NEGR1: variants seen among roughly 807,000 people sequenced by gnomAD.
NEGR1 encodes the protein neuronal growth regulator 1, also known as IgLON family member 4.
NEGR1 carries 10 observed loss-of-function variants against 40.9 expected under a neutral mutation model. The ratio of observed to expected loss-of-function variants is 0.24; its 90% CI spans 0.15 to 0.42. The LOEUF is 0.42. Among genes scored for constraint, NEGR1 ranks in the 10% least tolerant of loss-of-function variants. NEGR1 has a pLI of 1.00. For synonymous variants in NEGR1, 185 were observed against 166.8 expected (o/e 1.11, Z -0.84); for missense variants, 352 against 438.9 (o/e 0.80, Z 1.77).
intron 3 of NEGR1, among the ~76,000 whole-genome samples, chr1:71,715,672 T>C (rs1180383692): frequency 6.6e-6 from 1 of 152,174 alleles, no homozygotes; most frequent in African/African-American, 2.4e-5. Flanking sequence ...GGGGAAAATG[T>C]CACCAGTCTC....
rs139781857 is a variant in NEGR1, at chr1:71,596,088, G to A, written c.789-3120C>T. On this transcript the variant is annotated intron_variant, in intron 5 of 6. Transcript: ENST00000357731. ...AAGAGAAACAAATTCTGTAGAGCTC[G>A]GAGTTAAATATGACATCCATTTCTT... Among the ~76,000 whole-genome samples the A allele has an allele frequency of 1.4e-3, 213 of 150,176 alleles. 2 individuals carry two copies. In the Middle Eastern group the frequency reaches 0.028, roughly 20 times the overall value.
chr1:72,018,950 G>A (rs1223747278), intron 1 of NEGR1, among the ~76,000 whole-genome samples: 2 of 152,180 alleles, frequency 1.3e-5, no homozygotes, highest in South Asian at 2.1e-4. Flanking sequence ...TGGAAGAGCA[G>A]GAGTGAAAGC....
chr1:71,632,732 T>C (rs527977779), intron 4 of NEGR1, among the ~76,000 whole-genome samples: 41 of 152,088 alleles, frequency 2.7e-4, no homozygotes, highest in African/African-American at 8.2e-4. Flanking sequence ...GGATTTACTG[T>C]ACATCTGTTA....
At chr1:71,697,705 C>T (rs1170495067) in intron 4 of NEGR1, among the ~76,000 whole-genome samples, 1 of 151,712 alleles carries the variant, frequency 6.6e-6, no homozygotes, top group African/African-American at 2.4e-5. Flanking sequence ...AGGAAAACAC[C>T]AGCATATGGC....
intron 3 of NEGR1, among the ~76,000 whole-genome samples, chr1:71,718,522 A>G (rs879375290): frequency 5.3e-5 from 8 of 152,196 alleles, no homozygotes; most frequent in Admixed American, 1.3e-4. Flanking sequence ...CTTTATAGCA[A>G]TGCAAGAATG....
chr1:71,727,131 T>C (rs910637758), intron 3 of NEGR1, among the ~76,000 whole-genome samples: 1 of 152,112 alleles, frequency 6.6e-6, no homozygotes, highest in Non-Finnish European at 1.5e-5. Flanking sequence ...GAGATGAGGC[T>C]AGATTTTATT....
chr1:71,407,767 G>T, intron 6 of NEGR1, 197 bp from the exon 7 acceptor site: 4 of 520,360 alleles, frequency 7.7e-6, no homozygotes. Flanking sequence ...TTTTCTCAAG[G>T]GCAAAATGAA....
chr1:71,423,543 A>G (rs114316648), intron 6 of NEGR1, among the ~76,000 whole-genome samples: 2 of 152,312 alleles, frequency 1.3e-5, no homozygotes, highest in Non-Finnish European at 2.9e-5. Context: ...TCATTTGAAG[A>G]TATTACCTTT....
At chr1:71,922,024 C>A (rs1440801476) in intron 2 of NEGR1, among the ~76,000 whole-genome samples, 1 of 152,034 alleles carries the variant, frequency 6.6e-6, no homozygotes, top group Non-Finnish European at 1.5e-5. Flanking sequence ...AAGGAGAGAA[C>A]CTCAGAGATT....
chr1:71,776,833 T>A (rs1225273300), intron 2 of NEGR1, among the ~76,000 whole-genome samples: 1 of 152,142 alleles, frequency 6.6e-6, no homozygotes, highest in African/African-American at 2.4e-5. Context: ...GGCTAGACTT[T>A]CTCAAAATTT....
chr1:71,396,655 C>T lies in NEGR1; in HGVS notation c.*10791G>A, dbSNP rs557321694. 6.6e-6 allele frequency: 1 copy of T among 152,362 alleles called. No homozygotes were observed. The highest frequency in any genetic ancestry group is 6.5e-5 in the Admixed American group (1 of 15,296). The allele number at this position is 152,362 out of a possible 1,614,324, so 9.4% of individuals were successfully genotyped here. On this transcript the variant is annotated 3_prime_UTR_variant, in exon 7 of 7. Transcript: ENST00000357731. ...TTGAACCATGGGGGCAGGTCTTTCC[C>T]ATGCTGTTCTCATGACAGTGAGTAA... is the stretch of plus-strand genomic sequence containing the variant.
At chr1:72,232,147 A>G (rs996237249) in intron 1 of NEGR1, among the ~76,000 whole-genome samples, 12 of 151,968 alleles carry the variant, frequency 7.9e-5, no homozygotes, top group Non-Finnish European at 1.6e-4. Context: ...CAAGGTCAGG[A>G]ATTCGAGACC....
chr1:72,031,622 A>G (rs1462975377), intron 1 of NEGR1, among the ~76,000 whole-genome samples: 1 of 152,144 alleles, frequency 6.6e-6, no homozygotes, highest in Non-Finnish European at 1.5e-5. Flanking sequence ...AATTTTATAG[A>G]TGGGAAGAGG....
At chr1:71,606,061 C>A (rs968342960) in intron 5 of NEGR1, among the ~76,000 whole-genome samples, 1 of 152,184 alleles carries the variant, frequency 6.6e-6, no homozygotes, top group Non-Finnish European at 1.5e-5. Flanking sequence ...AATTTCAGGG[C>A]ATCCAAAGTC....
intron 4 of NEGR1, among the ~76,000 whole-genome samples, chr1:71,659,253 C>T (rs1481137001): frequency 2.0e-5 from 3 of 151,974 alleles, no homozygotes; most frequent in African/African-American, 7.3e-5. Context: ...TGTACAGAGG[C>T]CAAGAAAAAG....
intron 1 of NEGR1, among the ~76,000 whole-genome samples, chr1:72,158,550 C>T (rs565547289): frequency 6.6e-6 from 1 of 152,298 alleles, no homozygotes; most frequent in South Asian, 2.1e-4. Flanking sequence ...CAACAGATCA[C>T]TCAATGATCC....
At chr1:71,599,152 T>G (rs1460485335) in intron 5 of NEGR1, among the ~76,000 whole-genome samples, 4 of 152,232 alleles carry the variant, frequency 2.6e-5, no homozygotes, top group African/African-American at 9.6e-5. Context: ...TTTAAAAATA[T>G]TTAATGTGTA....
chr1:72,134,283 G>A (rs1471378017), intron 1 of NEGR1, among the ~76,000 whole-genome samples: 1 of 148,572 alleles, frequency 6.7e-6, no homozygotes, highest in Non-Finnish European at 1.5e-5. Context: ...TTGGCTCACT[G>A]CAAGCTCCAC....
intron 2 of NEGR1, among the ~76,000 whole-genome samples, chr1:71,928,532 A>T (rs1433520943): frequency 1.4e-5 from 2 of 139,736 alleles, no homozygotes; most frequent in Admixed American, 8.0e-5. Flanking sequence ...ACACACATCT[A>T]TACACATATA....
Sources: allele counts gnomAD v4.1 joint callset (sites outside exome capture counted in the v4.1 genomes callset), GRCh38; gene constraint gnomAD v4.1.1; transcripts MANE v1.5; gene names NCBI Gene and HGNC (gene_info 2026-07-23, HGNC 2026-07-21).